RSF1: variants seen among roughly 807,000 people sequenced by gnomAD.
RSF1 encodes HBV pX-associated protein 8.
Under a neutral mutation model 145.2 loss-of-function variants are expected in RSF1, and 13 were observed. That is an observed-to-expected ratio of 0.09 (90% CI 0.06 to 0.14). The LOEUF (loss-of-function observed/expected upper bound fraction) is 0.14. Ranked by LOEUF, RSF1 falls within the 10% of genes least tolerant of loss-of-function variation. The pLI is 1.00. For synonymous variants in RSF1, 577 were observed against 592.6 expected (o/e 0.97, Z 0.38); for missense variants, 1,517 against 1,718.2 (o/e 0.88, Z 2.07).
At chr11:77,682,111 A>G (rs941872572) in intron 11 of RSF1, among the ~76,000 whole-genome samples, 7 of 152,180 alleles carry the variant, frequency 4.6e-5, no homozygotes, top group Non-Finnish European at 7.4e-5. Context: ...GTCAGCTTTG[A>G]CTTCATACAT....
chr11:77,820,169 C>T (rs1464601096), intron 1 of RSF1, among the ~76,000 whole-genome samples: 1 of 152,194 alleles, frequency 6.6e-6, no homozygotes, highest in Non-Finnish European at 1.5e-5. Flanking sequence ...CTGCGCTCCC[C>T]TTCCCCCGCC....
the RSF1 span, among the ~76,000 whole-genome samples, chr11:77,849,658 T>C: frequency 6.6e-6 from 1 of 152,310 alleles, no homozygotes; most frequent in South Asian, 2.1e-4. Context: ...TTTTTTTAAT[T>C]ATGCAGTTCC....
At chr11:77,727,635 C>T (rs527677075) in intron 4 of RSF1, among the ~76,000 whole-genome samples, 11 of 152,026 alleles carry the variant, frequency 7.2e-5, no homozygotes, top group Non-Finnish European at 8.8e-5. Flanking sequence ...CATCACCACG[C>T]CTGGCTAATT....
intron 5 of RSF1, among the ~76,000 whole-genome samples, chr11:77,709,991 G>C (rs1391024259): frequency 1.3e-5 from 2 of 152,102 alleles, no homozygotes. Flanking sequence ...ATTTTTTAAT[G>C]ATTAAGTATA....
At chr11:77,699,001 C>T (rs1282813291) in intron 6 of RSF1, among the ~76,000 whole-genome samples, 2 of 152,086 alleles carry the variant, frequency 1.3e-5, no homozygotes, top group African/African-American at 4.8e-5. Context: ...TTATCTAATC[C>T]TCTACTAGAC....
At chr11:77,742,472 G>T (rs1947952049) in intron 3 of RSF1, among the ~76,000 whole-genome samples, 1 of 152,128 alleles carries the variant, frequency 6.6e-6, no homozygotes, top group South Asian at 2.1e-4. Flanking sequence ...TAGAGACAGG[G>T]TTTCATCATG....
At chr11:77,803,222 A>C (rs1948643992) in intron 1 of RSF1, among the ~76,000 whole-genome samples, 2 of 152,040 alleles carry the variant, frequency 1.3e-5, no homozygotes, top group Admixed American at 6.5e-5. Flanking sequence ...ACCATGGCTC[A>C]CTGGAGCCTC....
chr11:77,739,943 A>T (rs971498359), intron 4 of RSF1, among the ~76,000 whole-genome samples: 2 of 152,258 alleles, frequency 1.3e-5, no homozygotes, highest in African/African-American at 4.8e-5. Context: ...AAAGAGAACT[A>T]TGACAAAAAA....
chr11:77,763,591 A>G (rs1216698224), intron 2 of RSF1: 1 of 152,200 alleles, frequency 6.6e-6, no homozygotes, highest in Non-Finnish European at 1.5e-5. Flanking sequence ...AATGCAAAGG[A>G]AGCACTAAAC....
At chr11:77,729,895 C>CA (rs398045289) in intron 4 of RSF1, among the ~76,000 whole-genome samples, 984 of 48,872 alleles carry the variant, frequency 0.02, 91 homozygotes, top group South Asian at 0.038. Context: ...ATTCAGTAGG[C>CA]AAAAAAAAAA....
the RSF1 span, among the ~76,000 whole-genome samples, chr11:77,836,572 G>C: frequency 6.6e-6 from 1 of 152,170 alleles, no homozygotes; most frequent in African/African-American, 2.4e-5. Flanking sequence ...GTGGTATTTT[G>C]TAATGGAAGC....
At position 77,660,997 on chromosome 11, in the gene RSF1, A is replaced by T. The variant is rs944678811; in HGVS notation, c.*5920T>A. 6.6e-5 allele frequency: 10 copies of T among 152,230 alleles called. No individual in the cohort carries two copies. The highest frequency in any genetic ancestry group is 1.2e-4 in the Non-Finnish European group (8 of 68,030). 9.4% of individuals were successfully genotyped at this position (152,230 alleles called of 1,614,324 possible). On this transcript the variant is annotated 3_prime_UTR_variant, in exon 16 of 16. Transcript: ENST00000308488. Reference sequence around the variant, plus strand: ...TGTGCCATGTAAAAGACTGTGCTAGAATCAGAAGTTCTACAAGATTTCAAA... The same window carrying T: ...TGTGCCATGTAAAAGACTGTGCTAGTATCAGAAGTTCTACAAGATTTCAAA...
intron 11 of RSF1, among the ~76,000 whole-genome samples, chr11:77,678,436 C>T (rs1291593736): frequency 6.6e-6 from 1 of 152,014 alleles, no homozygotes; most frequent in Non-Finnish European, 1.5e-5. Flanking sequence ...AGAATGGTCT[C>T]GATCTCGACC....
the RSF1 span, among the ~76,000 whole-genome samples, chr11:77,829,206 A>G: frequency 7.2e-5 from 4 of 55,662 alleles, no homozygotes; most frequent in African/African-American, 2.1e-4. Flanking sequence ...TTCTCTTCAC[A>G]TGCATATGCC....
At chr11:77,689,608 A>G (rs1311681542) in intron 9 of RSF1, among the ~76,000 whole-genome samples, 8 of 152,276 alleles carry the variant, frequency 5.3e-5, no homozygotes, top group Admixed American at 1.3e-4. Context: ...CCATTTTATC[A>G]TATCATTGGT....
chr11:77,829,136 T>TG, the RSF1 span, among the ~76,000 whole-genome samples: 2 of 152,006 alleles, frequency 1.3e-5, no homozygotes, highest in Non-Finnish European at 2.9e-5. Flanking sequence ...GTCATGAGGG[T>TG]GGGGCCCTAA....
chr11:77,719,433 G>A (rs1200856837), intron 5 of RSF1, among the ~76,000 whole-genome samples: 1 of 152,108 alleles, frequency 6.6e-6, no homozygotes, highest in Non-Finnish European at 1.5e-5. Flanking sequence ...GACTAAGCCC[G>A]ATTTTAGAGG....
chr11:77,742,683 T>A (rs1007338531), intron 3 of RSF1, among the ~76,000 whole-genome samples: 15 of 152,236 alleles, frequency 9.9e-5, no homozygotes, highest in Admixed American at 9.8e-4. Context: ...CCACTGTGGT[T>A]TTAAAATGCA....
intron 2 of RSF1, among the ~76,000 whole-genome samples, 164 bp from the exon 3 acceptor site, chr11:77,747,292 T>TA (rs1160465668): frequency 2.6e-5 from 4 of 152,196 alleles, no homozygotes; most frequent in Non-Finnish European, 4.4e-5. Context: ...CTTAAAATGA[T>TA]AAAAAATATT....
Sources: gnomAD v4.1 joint callset for allele counts (sites outside exome capture counted in the v4.1 genomes callset) on GRCh38, gnomAD v4.1.1 for gene constraint, MANE v1.5 for transcripts, NCBI Gene and HGNC (gene_info 2026-07-23, HGNC 2026-07-21) for gene names.